CACNA1C: variants seen among roughly 807,000 people sequenced by gnomAD.
CACNA1C encodes voltage-dependent L-type calcium channel subunit alpha-1C.
Under a neutral mutation model 229.0 loss-of-function variants are expected in CACNA1C, and 30 were observed. The ratio of observed to expected loss-of-function variants is 0.13; its 90% confidence interval spans 0.10 to 0.18. The LOEUF is 0.18. Among genes scored for constraint, CACNA1C ranks in the 10% least tolerant of loss-of-function variants. The pLI, the probability that CACNA1C is intolerant of heterozygous loss-of-function variation, is 1.00. For missense variants in CACNA1C, 1,658 were observed against 2,845.0 expected, an observed-to-expected ratio of 0.58 and a Z score of 9.49; for synonymous variants, 1,114 against 1,132.5, an observed-to-expected ratio of 0.98 and a Z score of 0.33.
intron 3 of CACNA1C, among the ~76,000 whole-genome samples, chr12:2,225,058 G>A (rs867233795): frequency 1.3e-5 from 2 of 150,924 alleles, no homozygotes; most frequent in Non-Finnish European, 3.0e-5. Context: ...GGCTTGTCAA[G>A]GCTCCATTTC....
intron 9 of CACNA1C, among the ~76,000 whole-genome samples, chr12:2,513,657 A>C (rs1229875806): frequency 1.3e-5 from 2 of 152,252 alleles, no homozygotes; most frequent in Non-Finnish European, 2.9e-5. Flanking sequence ...TTGACTCACA[A>C]ATACGTAAAA....
chr12:2,082,031 A>AG (rs1491466834), intron 1 of CACNA1C, among the ~76,000 whole-genome samples: 1 of 151,864 alleles, frequency 6.6e-6, no homozygotes, highest in Non-Finnish European at 1.5e-5. Context: ...GTAAGAAAAC[A>AG]GGGGGGACAG....
At position 2,158,196 on chromosome 12, in the gene CACNA1C, T is replaced by C. The variant is rs575677180; in HGVS notation, c.477+37766T>C. On this transcript the variant is annotated intron_variant, in intron 3 of 46. Coordinates refer to ENST00000399655, the MANE Select transcript of CACNA1C (RefSeq NM_000719.7). ...ATATTAGTATCCAGATTGAAATGGC[T>C]CATTAAGTGCCCTTACAAATAGATG... Among the ~76,000 whole-genome samples the C allele has an allele frequency of 5.9e-5, 9 of 152,306 alleles. No homozygotes were observed. In the East Asian group the frequency reaches 1.7e-3, roughly 29 times the overall value.
chr12:2,214,281 C>T (rs151173225), intron 3 of CACNA1C, among the ~76,000 whole-genome samples: 42 of 152,274 alleles, frequency 2.8e-4, no homozygotes, highest in African/African-American at 9.9e-4. Flanking sequence ...CTCCTGCTCA[C>T]CATTTCTATG....
chr12:2,356,236 C>G (rs2154528858), intron 3 of CACNA1C, among the ~76,000 whole-genome samples: 1 of 152,316 alleles, frequency 6.6e-6, no homozygotes, highest in South Asian at 2.1e-4. Flanking sequence ...TGCTTGCAAG[C>G]TGTGGCCTTG....
At chr12:2,541,617 T>C (rs963637256) in intron 9 of CACNA1C, among the ~76,000 whole-genome samples, 1 of 152,206 alleles carries the variant, frequency 6.6e-6, no homozygotes, top group Non-Finnish European at 1.5e-5. Flanking sequence ...GCCTGAGGCA[T>C]CAACCCTCTT....
At chr12:2,085,312 T>C (rs775351682) in intron 1 of CACNA1C, among the ~76,000 whole-genome samples, 9 of 152,250 alleles carry the variant, frequency 5.9e-5, no homozygotes, top group Admixed American at 1.3e-4. Context: ...TGAACCACCA[T>C]TGGTAGGATT....
chr12:2,684,755 TAAG>T (rs2097356990), intron 43 of CACNA1C, among the ~76,000 whole-genome samples: 1 of 152,180 alleles, frequency 6.6e-6, no homozygotes, highest in East Asian at 1.9e-4. Context: ...GTGATTTGCA[TAAG>T]AAGAAAATAC....
At chr12:2,066,358 A>G (rs2059274452) in intron 1 of CACNA1C, among the ~76,000 whole-genome samples, 1 of 152,120 alleles carries the variant, frequency 6.6e-6, no homozygotes, top group Non-Finnish European at 1.5e-5. Flanking sequence ...GACAGACAGG[A>G]GGAGGGTAAA....
rs375775875 is a variant in CACNA1C at position 2,403,292 on chromosome 12, G to A, written c.478-45684G>A. On this transcript the variant is annotated intron_variant, in intron 3 of 46. Transcript: ENST00000399655. The surrounding 1 kb of genome is among the most constrained non-coding windows in gnomAD (Gnocchi z 4.1). The stretch of plus-strand genomic sequence containing the variant: ...TCCTATGACTGACCTTCTGGTCTTG[G>A]CCACACAGCTGACTAGCTGCTTGTG... Among the ~76,000 whole-genome samples, 5 of 152,288 alleles carry A rather than the reference G, an allele frequency of 3.3e-5. No homozygotes were observed. The highest frequency in any genetic ancestry group is 1.2e-4 in the African/African-American group (5 of 41,578).
chr12:2,089,816 C>T (rs2069538939), intron 1 of CACNA1C, among the ~76,000 whole-genome samples: 1 of 151,986 alleles, frequency 6.6e-6, no homozygotes, highest in Admixed American at 6.6e-5. Context: ...GGGCGGATCA[C>T]AAGGTCGGGA....
chr12:2,589,175 G>A (rs1324930632), intron 18 of CACNA1C, among the ~76,000 whole-genome samples: 1 of 152,206 alleles, frequency 6.6e-6, no homozygotes, highest in East Asian at 1.9e-4. Context: ...GGACATGGGG[G>A]TCCTTGTTGT....
intron 1 of CACNA1C, among the ~76,000 whole-genome samples, chr12:2,098,690 A>G (rs2075260949): frequency 2.0e-5 from 3 of 152,246 alleles, no homozygotes; most frequent in Non-Finnish European, 4.4e-5. Flanking sequence ...GTTGCTTAAC[A>G]TGGAAAATGT....
chr12:2,550,128 A>T, intron 10 of CACNA1C, 95 bp downstream of exon 10: 2 of 885,028 alleles, frequency 2.3e-6, no homozygotes, highest in South Asian at 2.9e-5. Flanking sequence ...GCTCATCACT[A>T]GGAAGGGCAG....
intron 18 of CACNA1C, among the ~76,000 whole-genome samples, chr12:2,590,704 T>C (rs981884999): frequency 2.5e-4 from 38 of 152,326 alleles, no homozygotes; most frequent in East Asian, 5.8e-4. Context: ...CGTGCAGATG[T>C]AAGAGCCTGC....
chr12:2,472,183 A>G (rs2099597054), intron 5 of CACNA1C, among the ~76,000 whole-genome samples: 1 of 152,078 alleles, frequency 6.6e-6, no homozygotes, highest in Admixed American at 6.5e-5. Flanking sequence ...TGGGGCCATC[A>G]TTTCTTCAAA....
At chr12:2,592,380 T>C (rs1435699696) in intron 18 of CACNA1C, among the ~76,000 whole-genome samples, 1 of 152,208 alleles carries the variant, frequency 6.6e-6, no homozygotes, top group Admixed American at 6.5e-5. Context: ...AGAGACTCAA[T>C]AAAATGCCCA....
intron 5 of CACNA1C, among the ~76,000 whole-genome samples, chr12:2,474,251 T>C (rs1156312260): frequency 6.6e-6 from 1 of 152,182 alleles, no homozygotes; most frequent in Non-Finnish European, 1.5e-5. Context: ...TGTTTGGCCT[T>C]ATTATCAAGT....
chr12:2,411,199 GGAA>G (rs893122247), intron 3 of CACNA1C, among the ~76,000 whole-genome samples: 4 of 152,090 alleles, frequency 2.6e-5, no homozygotes, highest in Non-Finnish European at 4.4e-5. Flanking sequence ...ACTCGAGCGG[GGAA>G]GAAGGACAGA....
Sources: gnomAD v4.1 joint callset for allele counts (sites outside exome capture counted in the v4.1 genomes callset) on GRCh38, gnomAD v4.1.1 for gene constraint, Gnocchi (gnomAD v3.1) non-coding constraint, MANE v1.5 for transcripts, NCBI Gene and HGNC (gene_info 2026-07-23, HGNC 2026-07-21) for gene names.